GLRA2: variants seen among roughly 807,000 people sequenced by gnomAD.
The protein encoded by GLRA2 is glycine receptor alpha 2, also known as glycine receptor subunit alpha-2.
A neutral mutation model predicts 31.6 loss-of-function variants in GLRA2; 11 were observed. The ratio of observed to expected loss-of-function variants is 0.35; its 90% CI spans 0.22 to 0.58. The LOEUF is 0.58. Ranked by LOEUF, GLRA2 falls within the 20% of genes least tolerant of loss-of-function variation. The pLI, the probability that GLRA2 is intolerant of heterozygous loss-of-function variation, is 0.84. For synonymous variants in GLRA2, 132 were observed against 134.0 expected (o/e 0.99, Z 0.10); for missense variants, 212 against 351.8 (o/e 0.60, Z 3.18).
chrX:14,640,750 C>G (rs2090763832), intron 7 of GLRA2, among the ~76,000 whole-genome samples: 1 of 111,015 alleles, frequency 9.0e-6, no homozygotes, highest in South Asian at 3.8e-4. Context: ...AATTTTTTCC[C>G]TTTTGTTGTC....
At chrX:14,523,044 A>G in the GLRA2 span, among the ~76,000 whole-genome samples, 9 of 112,250 alleles carry the variant, frequency 8.0e-5, no homozygotes, top group African/African-American at 2.9e-4. Context: ...CCTAGATGGC[A>G]TCTACTTCCA....
the GLRA2 span, among the ~76,000 whole-genome samples, chrX:14,475,960 G>A: frequency 6.3e-5 from 7 of 111,164 alleles, no homozygotes; most frequent in East Asian, 8.5e-4. Context: ...CCCCTAATGC[G>A]TAATAAATGC....
At chrX:14,603,519 C>T (rs910328628) in intron 4 of GLRA2, among the ~76,000 whole-genome samples, 1 of 111,290 alleles carries the variant, frequency 9.0e-6, no homozygotes, top group African/African-American at 3.3e-5. Flanking sequence ...CCTCATCTCT[C>T]GCCTTATACA....
At chrX:14,573,807 T>C (rs2089916217) in intron 2 of GLRA2, among the ~76,000 whole-genome samples, 1 of 110,668 alleles carries the variant, frequency 9.0e-6, no homozygotes, top group African/African-American at 3.3e-5. Context: ...TCATTTCTCA[T>C]TGGTGGTCAG....
intron 7 of GLRA2, among the ~76,000 whole-genome samples, chrX:14,616,888 G>A (rs1360152977): frequency 8.9e-6 from 1 of 111,894 alleles, no homozygotes; most frequent in Non-Finnish European, 1.9e-5. Context: ...CCAGATGTCT[G>A]CATATGTAGG....
rs1186197131 is a variant in GLRA2 at position 14,576,444 on chromosome X, T to C, written c.270+2044T>C. ...CTCTCCCCTCTTGGCTTTATCGTAA[T>C]AAGAGAGGGGGCAAAGCTTCCAGTA... is the stretch of plus-strand genomic sequence containing the variant. On this transcript the variant is annotated intron_variant, in intron 3 of 8. Transcript: ENST00000218075. 3.6e-5 allele frequency among the ~76,000 whole-genome samples: 4 copies of C among 111,055 alleles called. No individual in the cohort carries two copies. The East Asian group carries it at 1.1e-3, about 31-fold the overall frequency.
At chrX:14,611,327 T>C (rs902109211) in intron 7 of GLRA2, among the ~76,000 whole-genome samples, 2 of 113,160 alleles carry the variant, frequency 1.8e-5, no homozygotes, top group African/African-American at 6.4e-5. Context: ...AAAAGTAAGA[T>C]GTTTGTTATA....
At chrX:14,490,139 C>T in the GLRA2 span, among the ~76,000 whole-genome samples, 1 of 111,594 alleles carries the variant, frequency 9.0e-6, no homozygotes, top group African/African-American at 3.3e-5. Flanking sequence ...AACAATCCTC[C>T]CTTCATCTCA....
chrX:14,530,542 C>T (rs2089240694), intron 1 of GLRA2, among the ~76,000 whole-genome samples: 1 of 111,789 alleles, frequency 8.9e-6, no homozygotes, highest in Non-Finnish European at 1.9e-5. Flanking sequence ...CCCTAATTCT[C>T]AGCCAACTTG....
rs780987038 is a variant in GLRA2 at position 14,724,925 on chromosome X, T to C, written c.1081-5282T>C. 3.7e-3 allele frequency among the ~76,000 whole-genome samples: 416 copies of C among 111,616 alleles called. 1 individual carries two copies. The highest frequency in any genetic ancestry group is 4.3e-3 in the Non-Finnish European group (226 of 53,103). On this transcript the variant is annotated intron_variant, in intron 8 of 8. Coordinates refer to ENST00000218075, the MANE Select transcript of GLRA2 (RefSeq NM_002063.4). Reference sequence around the variant, plus strand: ...CAGTCAGATTCTTCATTCATAATCTTGAATGGAAGCCATTTGGGATTTGAT... The same window carrying C: ...CAGTCAGATTCTTCATTCATAATCTCGAATGGAAGCCATTTGGGATTTGAT...
intron 4 of GLRA2, among the ~76,000 whole-genome samples, chrX:14,583,661 C>T (rs1462099533): frequency 8.9e-6 from 1 of 111,819 alleles, no homozygotes; most frequent in Non-Finnish European, 1.9e-5. Flanking sequence ...ATCGCTTGAA[C>T]CTGGGAGGCG....
chrX:14,544,794 A>G lies in GLRA2; in HGVS notation c.202+12422A>G, dbSNP rs1050804922. ...GGGGAAAGGATGATTATATATAGAT[A>G]TTCTTAAATATAATATATACTTTTA... On this transcript the variant is annotated intron_variant, in intron 2 of 8. Transcript: ENST00000218075. Among the ~76,000 whole-genome samples, 3 of 111,753 alleles carry G rather than the reference A, an allele frequency of 2.7e-5. No individual in the cohort carries two copies. In the Admixed American group the frequency reaches 2.9e-4, roughly 11 times the overall value.
At chrX:14,649,245 A>G (rs1302350215) in intron 7 of GLRA2, among the ~76,000 whole-genome samples, 1 of 110,886 alleles carries the variant, frequency 9.0e-6, no homozygotes, top group East Asian at 2.8e-4. Context: ...TATACTTACC[A>G]TGTAACACAA....
chrX:14,477,471 A>G, the GLRA2 span, among the ~76,000 whole-genome samples: 3 of 111,612 alleles, frequency 2.7e-5, no homozygotes, highest in Admixed American at 9.6e-5. Flanking sequence ...CAATAATTCT[A>G]GGATCTCATA....
chrX:14,668,787 C>A (rs747577954), intron 7 of GLRA2, among the ~76,000 whole-genome samples: 2 of 111,839 alleles, frequency 1.8e-5, no homozygotes, highest in African/African-American at 6.5e-5. Flanking sequence ...TCCCACAACA[C>A]GTGGAAATTC....
At chrX:14,499,444 C>T in the GLRA2 span, among the ~76,000 whole-genome samples, 3 of 110,243 alleles carry the variant, frequency 2.7e-5, no homozygotes, top group Non-Finnish European at 5.7e-5. Flanking sequence ...TCTTAAAATA[C>T]CTTGGAATCA....
chrX:14,559,947 C>T (rs1056815312), intron 2 of GLRA2, among the ~76,000 whole-genome samples: 1 of 111,451 alleles, frequency 9.0e-6, no homozygotes, highest in African/African-American at 3.3e-5. Flanking sequence ...CCCTTGTGAT[C>T]CTCCTATCCT....
chrX:14,548,224 C>A (rs2089506335), intron 2 of GLRA2, among the ~76,000 whole-genome samples: 1 of 111,220 alleles, frequency 9.0e-6, no homozygotes, highest in African/African-American at 3.3e-5. Flanking sequence ...CAAACACTAC[C>A]TTTCCTTATA....
intron 8 of GLRA2, among the ~76,000 whole-genome samples, chrX:14,725,087 A>C (rs1412669177): frequency 8.9e-6 from 1 of 111,968 alleles, no homozygotes; most frequent in Non-Finnish European, 1.9e-5. Flanking sequence ...TAACTATAGG[A>C]AGCCACATAA....
Sources: gnomAD v4.1 joint callset for allele counts (sites outside exome capture counted in the v4.1 genomes callset) on GRCh38, gnomAD v4.1.1 for gene constraint, MANE v1.5 for transcripts, NCBI Gene and HGNC (gene_info 2026-07-23, HGNC 2026-07-21) for gene names.